The following NCAM1 variants were observed in gnomAD, a reference collection of about 807,000 sequenced individuals.
NCAM1 encodes neural cell adhesion molecule 1.
In NCAM1, 14 loss-of-function variants were observed where a neutral mutation model predicts 109.8. The ratio of observed to expected loss-of-function variants is 0.13; its 90% CI spans 0.08 to 0.20. NCAM1 has a LOEUF of 0.20. Among genes scored for constraint, NCAM1 ranks in the 10% least tolerant of loss-of-function variants. NCAM1 has a pLI of 1.00. For synonymous variants in NCAM1, 418 were observed against 442.9 expected, an observed-to-expected ratio of 0.94 and a Z score of 0.70; for missense variants, 774 against 1,109.9, an observed-to-expected ratio of 0.70 and a Z score of 4.30.
intron 1 of NCAM1, among the ~76,000 whole-genome samples, chr11:113,102,930 T>C (rs1245594175): frequency 1.3e-5 from 2 of 152,172 alleles, no homozygotes; most frequent in African/African-American, 4.8e-5. Flanking sequence ...CATACTTGCT[T>C]GATTATTAGA....
chr11:113,039,257 G>A (rs1183910703), intron 1 of NCAM1, among the ~76,000 whole-genome samples: 5 of 152,148 alleles, frequency 3.3e-5, no homozygotes, highest in African/African-American at 9.7e-5. Context: ...TTTTCCTGGC[G>A]AGGTTTTTGT....
chr11:113,216,215 C>T (rs897589343), intron 8 of NCAM1, among the ~76,000 whole-genome samples: 34 of 135,768 alleles, frequency 2.5e-4, no homozygotes, highest in African/African-American at 9.2e-4. Context: ...GTGGCGCGAT[C>T]TCGGCTCACT....
chr11:113,190,474 A>G (rs990471837), intron 1 of NCAM1, among the ~76,000 whole-genome samples: 2 of 152,174 alleles, frequency 1.3e-5, no homozygotes, highest in Non-Finnish European at 2.9e-5. Context: ...CACGGCCACC[A>G]TCTGCTGCTG....
At chr11:112,965,238 T>A (rs1364119570) in intron 1 of NCAM1, among the ~76,000 whole-genome samples, 1 of 148,432 alleles carries the variant, frequency 6.7e-6, no homozygotes, top group Non-Finnish European at 1.5e-5. Flanking sequence ...AAGATAGTAA[T>A]TGCAAAGAAA....
At chr11:113,179,482 T>G (rs1199286825) in intron 1 of NCAM1, among the ~76,000 whole-genome samples, 1 of 152,226 alleles carries the variant, frequency 6.6e-6, no homozygotes, top group African/African-American at 2.4e-5. Flanking sequence ...GCTCACCCAC[T>G]GTGCAGGGAA....
intron 1 of NCAM1, among the ~76,000 whole-genome samples, chr11:113,134,852 T>G (rs1254590311): frequency 6.6e-6 from 1 of 152,146 alleles, no homozygotes; most frequent in Non-Finnish European, 1.5e-5. Context: ...GCTTTGTTGC[T>G]TGGAAGAAGC....
intron 1 of NCAM1, among the ~76,000 whole-genome samples, chr11:113,143,982 T>G (rs1555100922): frequency 1.3e-5 from 2 of 152,152 alleles, no homozygotes; most frequent in Non-Finnish European, 2.9e-5. Context: ...TGACAGCATA[T>G]CTTTCCTTTT....
intron 1 of NCAM1, among the ~76,000 whole-genome samples, chr11:113,030,407 C>T (rs1565393402): frequency 2.6e-5 from 4 of 152,162 alleles, no homozygotes; most frequent in African/African-American, 9.7e-5. Context: ...ATAAGAGGAT[C>T]TAGCAGTCTA....
chr11:113,243,169 G>T (rs947297942), intron 14 of NCAM1, among the ~76,000 whole-genome samples: 2 of 152,234 alleles, frequency 1.3e-5, no homozygotes, highest in South Asian at 4.1e-4. Context: ...TCTCCTTCCC[G>T]GCTTTCGCTT....
At chr11:113,109,572 G>A (rs1940346361) in intron 1 of NCAM1, among the ~76,000 whole-genome samples, 1 of 152,130 alleles carries the variant, frequency 6.6e-6, no homozygotes, top group South Asian at 2.1e-4. Context: ...TCTAAGCTAG[G>A]CACTGGGGAC....
At chr11:112,984,888 A>G (rs1301714867) in intron 1 of NCAM1, among the ~76,000 whole-genome samples, 1 of 151,804 alleles carries the variant, frequency 6.6e-6, no homozygotes, top group African/African-American at 2.4e-5. Context: ...GCTGTGCAGG[A>G]ACGTTTTAGT....
intron 1 of NCAM1, among the ~76,000 whole-genome samples, chr11:113,001,868 A>T (rs1444523834): frequency 2.0e-5 from 3 of 151,998 alleles, no homozygotes; most frequent in African/African-American, 7.3e-5. Context: ...TGGATAGATG[A>T]TGTCATCAGG....
At chr11:113,118,567 C>T (rs2136011117) in intron 1 of NCAM1, among the ~76,000 whole-genome samples, 1 of 152,054 alleles carries the variant, frequency 6.6e-6, no homozygotes, top group Middle Eastern at 3.4e-3. Flanking sequence ...TTATTGTTCA[C>T]TTATTTATTG....
intron 1 of NCAM1, among the ~76,000 whole-genome samples, chr11:113,162,291 C>T (rs2136362612): frequency 6.6e-6 from 1 of 152,164 alleles, no homozygotes. Flanking sequence ...TCATTAGAAG[C>T]ATGTTTTTTG....
At chr11:113,013,822 T>C (rs1465417434) in intron 1 of NCAM1, among the ~76,000 whole-genome samples, 1 of 152,248 alleles carries the variant, frequency 6.6e-6, no homozygotes, top group Non-Finnish European at 1.5e-5. Context: ...ACTTTCATGC[T>C]TTATCTATAT....
At chr11:113,000,851 C>CAAAAA (rs35614573) in intron 1 of NCAM1, among the ~76,000 whole-genome samples, 2 of 91,374 alleles carry the variant, frequency 2.2e-5, no homozygotes, top group African/African-American at 7.9e-5. Context: ...TATATATACA[C>CAAAAA]AAAAAATATA....
intron 14 of NCAM1, among the ~76,000 whole-genome samples, chr11:113,237,709 A>G (rs1473136164): frequency 6.6e-5 from 10 of 152,182 alleles, no homozygotes; most frequent in Admixed American, 6.5e-4. Context: ...GTTACATTAA[A>G]GAGAGGAAGG....
intron 14 of NCAM1, chr11:113,246,130 C>T: frequency 1.9e-6 from 1 of 525,994 alleles, no homozygotes; most frequent in Non-Finnish European, 3.4e-6. Flanking sequence ...AGTTTCACTG[C>T]CCTCCCAATG....
intron 1 of NCAM1, among the ~76,000 whole-genome samples, chr11:113,123,323 C>A (rs1407826203): frequency 5.9e-5 from 9 of 152,110 alleles, no homozygotes; most frequent in African/African-American, 2.2e-4. Flanking sequence ...ACATGTACCC[C>A]ATACATATGT....
Sources: allele counts gnomAD v4.1 joint callset (sites outside exome capture counted in the v4.1 genomes callset), GRCh38; gene constraint gnomAD v4.1.1; transcripts MANE v1.5; gene names NCBI Gene and HGNC (gene_info 2026-07-23, HGNC 2026-07-21).